SCAF1: variants seen among roughly 807,000 people sequenced by gnomAD.
SCAF1 encodes SR-related CTD associated factor 1, also known as splicing factor, arginine/serine-rich 19.
In SCAF1, 28 loss-of-function variants were observed where a neutral mutation model predicts 91.2. The ratio of observed to expected loss-of-function variants is 0.31; its 90% confidence interval spans 0.23 to 0.42. The LOEUF (loss-of-function observed/expected upper bound fraction) is 0.42. Among genes scored for constraint, SCAF1 ranks in the 10% least tolerant of loss-of-function variants. The pLI is 1.00. For missense variants in SCAF1, 1,893 were observed against 1,872.1 expected, an observed-to-expected ratio of 1.01 and a Z score of -0.21; for synonymous variants, 1,036 against 833.7, an observed-to-expected ratio of 1.24 and a Z score of -4.18.
In SCAF1 at chr19:49,652,426, C is replaced by T. The variant is rs1010049061; in HGVS notation, c.2037C>T (p.Asp679=). ...PSGSTSCGDR[D]SRRRGAVPPS... Reference sequence around the variant, plus strand: ...GCTCCACCTCGTGTGGTGACCGCGACAGCCGCCGCCGGGGGGCCGTGCCAC... The same window carrying T: ...GCTCCACCTCGTGTGGTGACCGCGATAGCCGCCGCCGGGGGGCCGTGCCAC... Residue 679 remains aspartate (D), a synonymous_variant, in exon 7 of 11, where the codon GAC becomes GAT. Transcript: ENST00000360565. 9.4e-6 allele frequency: 15 copies of T among 1,598,278 alleles called. No individual in the cohort carries two copies. Among genetic ancestry groups the T allele is most frequent in the Admixed American group, 5.1e-5 (3 of 59,210 alleles).
In SCAF1 at chr19:49,646,068, A is replaced by G; in HGVS notation, c.167-40A>G. The G allele has an allele frequency of 2.6e-6, 4 of 1,566,968 alleles. No homozygotes were observed. The highest frequency in any genetic ancestry group is 3.5e-6 in the Non-Finnish European group (4 of 1,140,206). On this transcript the variant is annotated intron_variant, in intron 3 of 10. Coordinates refer to ENST00000360565, the MANE Select transcript of SCAF1 (RefSeq NM_021228.3). This position sits in a 1 kb window ranked among gnomAD's most constrained non-coding sequence, Gnocchi z 5.6. ...CTCTACCCCGCAAGTCTCTGCAGCAAGTCCCCTGTGTCCAATCCCCCATGC... is the reference window on the plus strand; with the variant it reads ...CTCTACCCCGCAAGTCTCTGCAGCAGGTCCCCTGTGTCCAATCCCCCATGC...
At chr19:49,658,103 A>T in intron 10 of SCAF1, 105 bp from the exon 11 acceptor site, 1 of 1,328,928 alleles carries the variant, frequency 7.5e-7, no homozygotes, top group Admixed American at 2.2e-5. Flanking sequence ...TGGCCTGGTT[A>T]TTGGGGAAGC....
Position 49,645,223 on chromosome 19 carries a change from G to T in SCAF1, c.108+89G>T. 6.7e-7 allele frequency: 1 copy of T among 1,483,078 alleles called. No individual in the cohort carries two copies. Among genetic ancestry groups the T allele is most frequent in the African/African-American group, 1.4e-5 (1 of 72,182 alleles). 91.9% of individuals were successfully genotyped at this position (1,483,078 alleles called of 1,614,324 possible). A position where few individuals can be genotyped will look rare whatever the true frequency, so the allele number is the denominator to read the frequency against. ...TGACTCCAGGGCCTGAGGCAGGGGC[G>T]CTGGACTCTTGGCTCCCTTGAAGCA... On this transcript the variant is annotated intron_variant, in intron 2 of 10. Transcript: ENST00000360565. The surrounding 1 kb of genome is among the most constrained non-coding windows in gnomAD (Gnocchi z 4.6).
At position 49,651,177 on chromosome 19, in the gene SCAF1, G is replaced by C. The variant is rs1278647744; in HGVS notation, c.788G>C (p.Gly263Ala). 1.2e-6 allele frequency: 2 copies of C among 1,613,224 alleles called. No individual in the cohort carries two copies. Among genetic ancestry groups the C allele is most frequent in the Admixed American group, 1.7e-5 (1 of 59,920 alleles). The change falls in exon 7 of 11, where the codon GGG (glycine) becomes GCG (alanine). Residue 263 changes from glycine (G) to alanine (A), a missense_variant. Physicochemically the swap from Gly to Ala is moderately conservative, Grantham distance 60. Around this residue, in one of 5 missense-constraint regions of SCAF1, gnomAD observed 80 missense variants for 116.6 expected, o/e 0.69. Coordinates refer to ENST00000360565, the MANE Select transcript of SCAF1 (RefSeq NM_021228.3). ...PTGSNPSSSA[G>A]TPSPEEEEEE... ...GGCTCCAACCCCAGCTCATCAGCGG[G>C]GACCCCCTCACCTGAGGAGGAAGAG...
In SCAF1 at chr19:49,651,910, G is replaced by GGCC; in HGVS notation, c.1527_1529dup (p.Ala511dup). The stretch of plus-strand genomic sequence containing the variant: ...CCTCCCCGGCGCCCGCGCCCGCCCC[G>GGCC]GCCGCCGCTGCTGGTCCGCCCACGC... On this transcript the variant is annotated inframe_insertion, in exon 7 of 11. Transcript: ENST00000360565. The GGCC allele has an allele frequency of 8.7e-7, 1 of 1,152,266 alleles. No homozygotes were observed. The highest frequency in any genetic ancestry group is 1.1e-6 in the Non-Finnish European group (1 of 933,632). 71.4% of individuals were successfully genotyped at this position (1,152,266 alleles called of 1,614,324 possible).
In SCAF1 at chr19:49,653,452, G is replaced by A. The variant is rs199563438; in HGVS notation, c.3063G>A (p.Ala1021=). The A allele has an allele frequency of 1.2e-4, 174 of 1,459,728 alleles. No homozygotes were observed. Among genetic ancestry groups the A allele is most frequent in the Admixed American group, 1.1e-3 (50 of 44,720 alleles). The allele number at this position is 1,459,728 out of a possible 1,614,324, so 90.4% of individuals were successfully genotyped here. A position where few individuals can be genotyped will look rare whatever the true frequency, so the allele number is the denominator to read the frequency against. Residue 1021 remains alanine, a synonymous_variant, in exon 7 of 11, where the codon GCG becomes GCA. Transcript: ENST00000360565. ...ATEEAGVRGG[A]EEEEEEEEEE... is the part of the protein sequence containing the mutation. ...AGGAGGCTGGGGTCCGAGGTGGGGC[G>A]GAGGAGGAGGAGGAGGAAGAAGAAG...
chr19:49,655,871 A>G (rs903443548), intron 9 of SCAF1, among the ~76,000 whole-genome samples: 6 of 151,502 alleles, frequency 4.0e-5, no homozygotes, highest in Non-Finnish European at 7.4e-5. Flanking sequence ...GGGTCTCACT[A>G]TGTTGCCCAG....
At chr19:49,657,487 C>A (rs1599833810) in intron 9 of SCAF1, among the ~76,000 whole-genome samples, 2 of 152,254 alleles carry the variant, frequency 1.3e-5, no homozygotes, top group African/African-American at 4.8e-5. Context: ...TGAGGGCAGG[C>A]GACACACATG....
At position 49,653,485 on chromosome 19, in the gene SCAF1, GGAA is replaced by G; in HGVS notation, c.3099_3101del (p.Glu1039del). 1 of 1,556,814 alleles carries G rather than the reference GGAA, an allele frequency of 6.4e-7. No homozygotes were observed. Among genetic ancestry groups the G allele is most frequent in the Non-Finnish European group, 8.7e-7 (1 of 1,155,216 alleles). On this transcript the variant is annotated inframe_deletion, in exon 7 of 11. Transcript: ENST00000360565. ...AGGAGGAGGAAGAAGAAGAGGAGGA[GGAA>G]GAGGAAGAGGAGGAGGAGCAGCAGC... is the stretch of plus-strand genomic sequence containing the variant.
At chr19:49,654,898 G>A (rs768112816) in intron 9 of SCAF1, 28 bp downstream of exon 9, 14 of 1,496,574 alleles carry the variant, frequency 9.4e-6, no homozygotes, top group African/African-American at 8.4e-5. Flanking sequence ...GAGGTGGGGC[G>A]GTGCTGACAG....
upstream of SCAF1, among the ~76,000 whole-genome samples, chr19:49,641,306 C>T (rs887818027): frequency 2.6e-5 from 4 of 152,106 alleles, no homozygotes; most frequent in African/African-American, 9.7e-5. Context: ...CTTCTAGGTT[C>T]TAAGTTTATT....
At chr19:49,650,076 G>A (rs145227483) in intron 6 of SCAF1, among the ~76,000 whole-genome samples, 4 of 152,224 alleles carry the variant, frequency 2.6e-5, no homozygotes, top group African/African-American at 7.2e-5. Flanking sequence ...CGGGCTCTTT[G>A]GGGGCGAATG....
intron 6 of SCAF1, among the ~76,000 whole-genome samples, chr19:49,650,633 G>A (rs2081079630): frequency 6.6e-6 from 1 of 152,160 alleles, no homozygotes; most frequent in African/African-American, 2.4e-5. Flanking sequence ...CCTTCTCTCT[G>A]TGTGCCCTTG....
At chr19:49,641,418 G>A (rs997967130), upstream of SCAF1, among the ~76,000 whole-genome samples, 16 of 152,208 alleles carry the variant, frequency 1.1e-4, no homozygotes, top group Non-Finnish European at 1.6e-4. Flanking sequence ...CCGGGTTCAA[G>A]CGATTCTCCT....
At position 49,652,294 on chromosome 19, in the gene SCAF1, G is replaced by A; in HGVS notation, c.1905G>A (p.Arg635=). The A allele has an allele frequency of 6.5e-7, 1 of 1,527,182 alleles. No individual in the cohort carries two copies. Among genetic ancestry groups the A allele is most frequent in the Non-Finnish European group, 8.8e-7 (1 of 1,140,082 alleles). The allele number at this position is 1,527,182 out of a possible 1,614,324, so 94.6% of individuals were successfully genotyped here. The change falls in exon 7 of 11, where the codon CGG becomes CGA. Residue 635 remains arginine, a synonymous_variant. Coordinates refer to ENST00000360565, the MANE Select transcript of SCAF1 (RefSeq NM_021228.3). The part of the protein sequence containing the change: ...SRRERHRGKH[R]DGGGSKKKKK... ...GCGAGCGGCACCGCGGGAAACACCGGGACGGTGGCGGCAGCAAGAAGAAGA... is the reference window on the plus strand; with the variant it reads ...GCGAGCGGCACCGCGGGAAACACCGAGACGGTGGCGGCAGCAAGAAGAAGA...
chr19:49,641,654 GCCTA>G (rs1400343301), upstream of SCAF1, among the ~76,000 whole-genome samples: 4 of 152,042 alleles, frequency 2.6e-5, no homozygotes, highest in Non-Finnish European at 5.9e-5. Flanking sequence ...TCCCTATATT[GCCTA>G]GGCTGGCTTC....
upstream of SCAF1, among the ~76,000 whole-genome samples, chr19:49,641,709 G>A (rs75271245): frequency 0.014 from 2,115 of 152,238 alleles, 114 homozygotes; most frequent in Admixed American, 0.096. Flanking sequence ...TCAGTCTCCC[G>A]AGTGGGACTA....
At position 49,652,846 on chromosome 19, in the gene SCAF1, T is replaced by A. The variant is rs2081109105; in HGVS notation, c.2457T>A (p.Ser819=). The A allele has an allele frequency of 6.2e-7, 1 of 1,613,992 alleles. No individual in the cohort carries two copies. Among genetic ancestry groups the A allele is most frequent in the Non-Finnish European group, 8.5e-7 (1 of 1,179,954 alleles). The stretch of plus-strand genomic sequence containing the variant: ...CACCAGTCAGCAGCGGCTCAGGCTC[T>A]TCATCCTCGTCGTCCTCCTGTTCTT... ...PKPPVSSGSG[S]SSSSSSCSSR... The change falls in exon 7 of 11, where the codon TCT becomes TCA. Residue 819 remains serine (S), a synonymous_variant. Transcript: ENST00000360565.
In SCAF1 at chr19:49,651,220, A is replaced by AGAAGAG; in HGVS notation, c.843_848dup (p.Glu281_Glu282dup). The AGAAGAG allele has an allele frequency of 6.2e-7, 1 of 1,612,886 alleles. No homozygotes were observed. Among genetic ancestry groups the AGAAGAG allele is most frequent in the Non-Finnish European group, 8.5e-7 (1 of 1,179,600 alleles). On this transcript the variant is annotated inframe_insertion, in exon 7 of 11. Coordinates refer to ENST00000360565, the MANE Select transcript of SCAF1 (RefSeq NM_021228.3). The stretch of plus-strand genomic sequence containing the variant: ...AGGAAGAGGAGGAGGAAGAGGAAGA[A>AGAAGAG]GAAGAGGAAGAGGAAGACGAGGAGG...
Sources: allele counts gnomAD v4.1 joint callset (sites outside exome capture counted in the v4.1 genomes callset), GRCh38; gene constraint gnomAD v4.1.1; regional missense constraint gnomAD v4.1.1; non-coding constraint Gnocchi (gnomAD v3.1); transcripts MANE v1.5; gene names NCBI Gene and HGNC (gene_info 2026-07-23, HGNC 2026-07-21).